The following DPP6 variants were observed in gnomAD, a reference collection of about 807,000 sequenced individuals.
DPP6 encodes A-type potassium channel modulatory protein DPP6.
DPP6 carries 69 observed loss-of-function variants against 122.6 expected under a neutral mutation model. The ratio of observed to expected loss-of-function variants is 0.56; its 90% CI spans 0.46 to 0.69. The LOEUF is 0.69. Among genes scored for constraint, DPP6 ranks in the 30% least tolerant of loss-of-function variants. The probability of loss-of-function intolerance (pLI) is 0.00; values close to 1 mark genes in which losing one functional copy is unlikely to be tolerated. For missense variants in DPP6, 928 were observed against 1,116.9 expected (o/e 0.83, Z 2.41); for synonymous variants, 418 against 433.1 (o/e 0.97, Z 0.43).
chr7:154,356,593 T>C (rs1417500238), intron 1 of DPP6, among the ~76,000 whole-genome samples: 1 of 151,952 alleles, frequency 6.6e-6, no homozygotes, highest in African/African-American at 2.4e-5. Flanking sequence ...AAAAAAAAAT[T>C]CTAACTTATT....
chr7:153,770,772 A>G, the DPP6 span, among the ~76,000 whole-genome samples: 26 of 152,340 alleles, frequency 1.7e-4, no homozygotes, highest in South Asian at 5.0e-3. Flanking sequence ...GGGCTATTGC[A>G]GCAACTCAAG....
intron 1 of DPP6, among the ~76,000 whole-genome samples, chr7:154,208,481 A>G (rs908994650): frequency 2.0e-5 from 3 of 152,188 alleles, no homozygotes; most frequent in Admixed American, 6.5e-5. Flanking sequence ...GCAAAGTGCT[A>G]TTTGTCACTG....
chr7:154,859,804 A>C lies in DPP6; in HGVS notation c.1714+5977A>C, dbSNP rs1262584280. 2.0e-5 allele frequency among the ~76,000 whole-genome samples: 3 copies of C among 152,222 alleles called. No individual in the cohort carries two copies. The East Asian group carries it at 5.8e-4, about 29-fold the overall frequency. The stretch of plus-strand genomic sequence containing the variant: ...TGAATACATTGCGGGCTTTAATGTA[A>C]ATATGAAAGGCAGGCCCACTTAGAG... On this transcript the variant is annotated intron_variant, in intron 17 of 25. Transcript: ENST00000377770.
At chr7:154,425,450 T>C (rs1817800837) in intron 1 of DPP6, among the ~76,000 whole-genome samples, 1 of 152,212 alleles carries the variant, frequency 6.6e-6, no homozygotes, top group Admixed American at 6.5e-5. Context: ...TAATCACTAC[T>C]GTGGTCTCTG....
At chr7:154,084,794 C>T (rs1210214297) in intron 1 of DPP6, among the ~76,000 whole-genome samples, 1 of 148,730 alleles carries the variant, frequency 6.7e-6, no homozygotes, top group East Asian at 2.0e-4. Flanking sequence ...TCGAGACCAT[C>T]CTGGCTAACA....
intron 1 of DPP6, among the ~76,000 whole-genome samples, chr7:153,967,995 C>G (rs1159789480): frequency 6.6e-6 from 1 of 150,984 alleles, no homozygotes; most frequent in Non-Finnish European, 1.5e-5. Context: ...CATGTTTTTG[C>G]TATTGTGAGT....
intron 6 of DPP6, among the ~76,000 whole-genome samples, chr7:154,639,666 C>G (rs1274475531): frequency 1.3e-5 from 2 of 152,166 alleles, no homozygotes; most frequent in African/African-American, 4.8e-5. Context: ...CCATGATAGT[C>G]TGTGTTGAAG....
chr7:154,554,489 T>A (rs1342608775), intron 4 of DPP6, among the ~76,000 whole-genome samples: 2 of 152,176 alleles, frequency 1.3e-5, no homozygotes, highest in East Asian at 3.8e-4. Flanking sequence ...ATCTCTTTTT[T>A]CCCTAACAAC....
chr7:154,063,980 C>T (rs555205961), intron 1 of DPP6, among the ~76,000 whole-genome samples: 6 of 151,998 alleles, frequency 3.9e-5, no homozygotes, highest in South Asian at 2.1e-4. Context: ...CTAGAGCAAA[C>T]GCAAAGCCCA....
chr7:154,063,366 T>C (rs867376394), intron 1 of DPP6, among the ~76,000 whole-genome samples: 1 of 65,684 alleles, frequency 1.5e-5, no homozygotes, highest in Non-Finnish European at 3.0e-5. Context: ...CAGGAGGGTG[T>C]GGCACCCCCC....
chr7:154,732,453 T>C (rs1464047322), intron 8 of DPP6, among the ~76,000 whole-genome samples: 1 of 152,252 alleles, frequency 6.6e-6, no homozygotes, highest in Non-Finnish European at 1.5e-5. Context: ...TATTCAGTGA[T>C]ATGCCATTAT....
At chr7:154,554,084 A>G (rs915932131) in intron 4 of DPP6, among the ~76,000 whole-genome samples, 3 of 152,146 alleles carry the variant, frequency 2.0e-5, no homozygotes, top group Non-Finnish European at 2.9e-5. Context: ...CAGTAAATGC[A>G]GTGCTGGGAG....
chr7:153,763,960 C>G, the DPP6 span, among the ~76,000 whole-genome samples: 2 of 152,124 alleles, frequency 1.3e-5, no homozygotes, highest in Non-Finnish European at 2.9e-5. Context: ...CATGAATTCA[C>G]CTGTGTTATA....
Position 154,710,503 on chromosome 7 carries a change from C to T in DPP6, c.763-17264C>T, listed in dbSNP as rs77735436. Among the ~76,000 whole-genome samples the T allele has an allele frequency of 8.8e-3, 1,344 of 152,248 alleles. 23 individuals carry two copies. The highest frequency in any genetic ancestry group is 0.031 in the African/African-American group (1,285 of 41,540). The stretch of plus-strand genomic sequence containing the variant: ...GTAATCCTAACTTGCTGTTATATGG[C>T]CTATTGATGAAACCACTCGGGACCA... On this transcript the variant is annotated intron_variant, in intron 7 of 25. Transcript: ENST00000377770.
chr7:154,019,783 G>C (rs999708141), intron 1 of DPP6, among the ~76,000 whole-genome samples: 3 of 152,180 alleles, frequency 2.0e-5, no homozygotes. Context: ...TAGTTCTTCT[G>C]CACTTATGCC....
At chr7:153,987,607 G>A (rs189433766) in intron 1 of DPP6, among the ~76,000 whole-genome samples, 3 of 150,684 alleles carry the variant, frequency 2.0e-5, no homozygotes, top group Admixed American at 6.6e-5. Flanking sequence ...TTCCATTTCC[G>A]TTGGACGGGG....
chr7:154,051,816 AAGGGGCGGTTTCGG>A (rs1800344902), upstream of DPP6, among the ~76,000 whole-genome samples: 2 of 150,494 alleles, frequency 1.3e-5, no homozygotes, highest in Non-Finnish European at 3.0e-5. Flanking sequence ...AGGCGAAGGG[AAGGGGCGGTTTCGG>A]AGGGAGCTGG....
At chr7:154,744,107 G>A (rs1842933191) in intron 8 of DPP6, among the ~76,000 whole-genome samples, 1 of 152,240 alleles carries the variant, frequency 6.6e-6, no homozygotes, top group East Asian at 1.9e-4. Flanking sequence ...GGTGCGTCCT[G>A]TGTAATGGGT....
chr7:154,267,422 A>G (rs1338940387), intron 1 of DPP6, among the ~76,000 whole-genome samples: 1 of 148,736 alleles, frequency 6.7e-6, no homozygotes, highest in Non-Finnish European at 1.5e-5. Context: ...TTATACACAT[A>G]TACATATACA....
Sources: allele counts gnomAD v4.1 joint callset (sites outside exome capture counted in the v4.1 genomes callset), GRCh38; gene constraint gnomAD v4.1.1; transcripts MANE v1.5; gene names NCBI Gene and HGNC (gene_info 2026-07-23, HGNC 2026-07-21).